Variants in MKLN1 observed in about 807,000 individuals in gnomAD.
MKLN1 encodes muskelin.
MKLN1 carries 18 observed loss-of-function variants against 99.0 expected under a neutral mutation model. The observed-to-expected ratio is 0.18, with a 90% CI of 0.13 to 0.27. The LOEUF (loss-of-function observed/expected upper bound fraction) is 0.27. Among genes scored for constraint, MKLN1 ranks in the 10% least tolerant of loss-of-function variants. The pLI, the probability that MKLN1 is intolerant of heterozygous loss-of-function variation, is 1.00. For missense variants in MKLN1, 621 were observed against 875.9 expected (o/e 0.71, Z 3.67); for synonymous variants, 288 against 293.2 (o/e 0.98, Z 0.18).
Position 131,134,266 on chromosome 7 carries a change from C to T in MKLN1, c.-418-8554C>T, listed in dbSNP as rs541238534. On this transcript the variant is annotated intron_variant, in intron 1 of 7. Transcript: ENST00000416992. The stretch of plus-strand genomic sequence containing the variant: ...GGTCTCATGTCTCTTTCCTTGCAGA[C>T]CTCCCTCTGTCCCACTCTCATGCCC... Among the ~76,000 whole-genome samples the T allele has an allele frequency of 7.2e-5, 11 of 152,260 alleles. No individual in the cohort carries two copies. In the South Asian group the frequency reaches 2.3e-3, roughly 32 times the overall value.
intron 3 of MKLN1, among the ~76,000 whole-genome samples, chr7:131,387,470 T>TG (rs1208802301): frequency 6.6e-6 from 1 of 152,168 alleles, no homozygotes; most frequent in Non-Finnish European, 1.5e-5. Context: ...CTAGTTAATA[T>TG]TTTTACCAAA....
At chr7:131,284,983 G>C (rs192154970) in intron 3 of MKLN1, 2 of 152,352 alleles carry the variant, frequency 1.3e-5, no homozygotes, top group Non-Finnish European at 2.9e-5. Flanking sequence ...GAAGGTAGAG[G>C]CTTCTTGAGA....
rs530629981 is a variant in MKLN1 at position 131,270,879 on chromosome 7, C to T, written c.-179+67905C>T. Among the ~76,000 whole-genome samples the T allele has an allele frequency of 2.6e-4, 39 of 149,098 alleles. 1 individual carries two copies. The highest frequency in any genetic ancestry group is 9.7e-4 in the African/African-American group (39 of 40,342). ...GAATCACCTTTTTTTTTTCTTTTAA[C>T]TGGGGTCTTTCCTCCTCTGTAAAAA... On this transcript the variant is annotated intron_variant, in intron 3 of 7. Coordinates refer to the MKLN1 transcript ENST00000416992.
chr7:131,147,478 G>A (rs1202034584), intron 2 of MKLN1, among the ~76,000 whole-genome samples: 1 of 152,118 alleles, frequency 6.6e-6, no homozygotes, highest in Non-Finnish European at 1.5e-5. Context: ...GTCTTACAGA[G>A]CTTAGGTGAG....
At position 131,466,376 on chromosome 7, in the gene MKLN1, A is replaced by T. The variant is rs780234228; in HGVS notation, c.1889A>T (p.Tyr630Phe). 3 of 1,600,168 alleles carry T rather than the reference A, an allele frequency of 1.9e-6. No individual in the cohort carries two copies. Among genetic ancestry groups the T allele is most frequent in the South Asian group, 1.1e-5 (1 of 89,278 alleles). The change falls in exon 15 of 18, where the codon TAT (tyrosine) becomes TTT (phenylalanine). Residue 630 changes from tyrosine to phenylalanine, a missense_variant. Physicochemically the swap from Tyr to Phe is conservative, Grantham distance 22. Around this residue, in one of 8 missense-constraint regions of MKLN1, gnomAD observed 126 missense variants for 157.4 expected, o/e 0.80. Transcript: ENST00000352689. The stretch of plus-strand genomic sequence containing the variant: ...AAGTTGTGTAGACCTTCAAAAGATT[A>T]TTTACTGAGGCATTGCAAGTACCTC... ...SLKLCRPSKD[Y>F]LLRHCKYLIR...
intron 4 of MKLN1, among the ~76,000 whole-genome samples, chr7:131,394,908 G>T (rs1028611909): frequency 6.6e-6 from 1 of 151,996 alleles, no homozygotes; most frequent in Non-Finnish European, 1.5e-5. Flanking sequence ...TTACCCAGGT[G>T]TGATTTTGTA....
At chr7:131,420,062 T>C (rs1424956271) in intron 8 of MKLN1, among the ~76,000 whole-genome samples, 1 of 152,166 alleles carries the variant, frequency 6.6e-6, no homozygotes. Flanking sequence ...ATTTTGGATG[T>C]ATTTTAAAAG....
At chr7:131,301,325 G>A (rs1187229103) in intron 3 of MKLN1, among the ~76,000 whole-genome samples, 1 of 152,188 alleles carries the variant, frequency 6.6e-6, no homozygotes, top group East Asian at 1.9e-4. Context: ...CCAAAGGCCA[G>A]AGGTTCTCGA....
At chr7:131,276,861 G>A (rs1033720803) in intron 3 of MKLN1, among the ~76,000 whole-genome samples, 1 of 152,182 alleles carries the variant, frequency 6.6e-6, no homozygotes, top group African/African-American at 2.4e-5. Flanking sequence ...TTGAGGAGGA[G>A]TATTACAAAT....
At chr7:131,160,233 A>G (rs1020536568) in intron 2 of MKLN1, among the ~76,000 whole-genome samples, 1 of 152,066 alleles carries the variant, frequency 6.6e-6, no homozygotes, top group Non-Finnish European at 1.5e-5. Flanking sequence ...GTTCATCCAT[A>G]TTGTATCAGT....
rs138290943 is a variant in MKLN1 at position 131,354,823 on chromosome 7, A to G, written c.99-20601A>G. ...ATTTCTAAATGGCTGTACATCATTT[A>G]TATCTATCGAAACATTTAAATACAT... On this transcript the variant is annotated intron_variant, in intron 1 of 17. Transcript: ENST00000352689. 2.0e-4 allele frequency among the ~76,000 whole-genome samples: 30 copies of G among 152,312 alleles called. No individual in the cohort carries two copies. In the East Asian group the frequency reaches 2.7e-3, roughly 14 times the overall value.
In MKLN1 at chr7:131,139,759, C is replaced by T. The variant is rs191956442; in HGVS notation, c.-418-3061C>T. On this transcript the variant is annotated intron_variant, in intron 1 of 7. Coordinates refer to the MKLN1 transcript ENST00000416992. ...CCATGGACCAGGAAGTCTGTGTGGACCTCAGAGGCCTAGGGACAGGGGTGG... is the reference window on the plus strand; with the variant it reads ...CCATGGACCAGGAAGTCTGTGTGGATCTCAGAGGCCTAGGGACAGGGGTGG... Among the ~76,000 whole-genome samples, 284 of 152,250 alleles carry T rather than the reference C, an allele frequency of 1.9e-3. 3 individuals are homozygous for T. Among genetic ancestry groups the T allele is most frequent in the African/African-American group, 6.0e-3 (248 of 41,550 alleles).
At chr7:131,255,184 C>T (rs11770625) in intron 3 of MKLN1, among the ~76,000 whole-genome samples, 26,491 of 152,072 alleles carry the variant, frequency 0.17, 2,536 homozygotes, top group Middle Eastern at 0.24. Flanking sequence ...TCAAGGGATC[C>T]TCCTGCCTCA....
At chr7:131,272,707 C>A (rs1433370550) in intron 3 of MKLN1, among the ~76,000 whole-genome samples, 1 of 152,146 alleles carries the variant, frequency 6.6e-6, no homozygotes, top group Non-Finnish European at 1.5e-5. Context: ...GTGAAAGGCA[C>A]TTCTTACATG....
chr7:131,462,690 C>T (rs1376555142), intron 12 of MKLN1, among the ~76,000 whole-genome samples: 3 of 152,224 alleles, frequency 2.0e-5, no homozygotes, highest in East Asian at 1.9e-4. Flanking sequence ...ACAAAACAGC[C>T]TCTTTCCTTG....
At chr7:131,281,454 C>G (rs768477055) in intron 3 of MKLN1, among the ~76,000 whole-genome samples, 4 of 152,082 alleles carry the variant, frequency 2.6e-5, no homozygotes, top group Non-Finnish European at 5.9e-5. Flanking sequence ...GTTTTGAAAT[C>G]AGGAACTATG....
chr7:131,394,562 C>A (rs1794301277), intron 4 of MKLN1, among the ~76,000 whole-genome samples: 1 of 152,038 alleles, frequency 6.6e-6, no homozygotes, highest in South Asian at 2.1e-4. Context: ...CCTTAACACA[C>A]TGCGCACCTC....
chr7:131,210,496 C>T (rs1796884536), intron 3 of MKLN1, among the ~76,000 whole-genome samples: 1 of 150,958 alleles, frequency 6.6e-6, no homozygotes, highest in Non-Finnish European at 1.5e-5. Context: ...TGTACCATTG[C>T]ACTCCAGCCT....
chr7:131,478,987 A>T (rs1428990222), intron 17 of MKLN1: 2 of 363,814 alleles, frequency 5.5e-6, no homozygotes, highest in African/African-American at 4.3e-5. Context: ...TTTTACTGAT[A>T]CACACTATGA....
Sources: allele counts gnomAD v4.1 joint callset (sites outside exome capture counted in the v4.1 genomes callset), GRCh38; gene constraint gnomAD v4.1.1; regional missense constraint gnomAD v4.1.1; transcripts MANE v1.5; gene names NCBI Gene and HGNC (gene_info 2026-07-23, HGNC 2026-07-21).